Variants in ANAPC1 observed in about 807,000 individuals in gnomAD.
The protein encoded by ANAPC1 is anaphase promoting complex subunit 1.
A neutral mutation model predicts 208.0 loss-of-function variants in ANAPC1; 36 were observed. That is an observed-to-expected ratio of 0.17 (90% CI 0.13 to 0.23). The LOEUF is 0.23. ANAPC1 is among the 10% of genes least tolerant of loss of function. The pLI is 1.00. For missense variants in ANAPC1, 942 were observed against 2,011.6 expected, an observed-to-expected ratio of 0.47 and a Z score of 10.17; for synonymous variants, 378 against 695.2, an observed-to-expected ratio of 0.54 and a Z score of 7.18.
At chr2:111,836,020 G>T (rs1436259996) in intron 18 of ANAPC1, among the ~76,000 whole-genome samples, 1 of 152,092 alleles carries the variant, frequency 6.6e-6, no homozygotes, top group East Asian at 1.9e-4. Flanking sequence ...TTTACAAGTA[G>T]ATAAAGATTT....
At chr2:111,807,624 G>A (rs1490937481) in intron 29 of ANAPC1, among the ~76,000 whole-genome samples, 3 of 152,024 alleles carry the variant, frequency 2.0e-5, no homozygotes, top group Non-Finnish European at 4.4e-5. Flanking sequence ...CCCGGGAGGC[G>A]GAGCTTGCAA....
rs2030500 is a variant in ANAPC1 at position 111,792,748 on chromosome 2, C to T, written c.4519-193G>A. 7.3e-5 allele frequency among the ~76,000 whole-genome samples: 11 copies of T among 151,590 alleles called. No individual in the cohort carries two copies. The East Asian group carries it at 7.8e-4, about 11-fold the overall frequency. On this transcript the variant is annotated intron_variant, in intron 37 of 47. Coordinates refer to ENST00000341068, the MANE Select transcript of ANAPC1 (RefSeq NM_022662.4). Reference sequence around the variant, plus strand: ...CGGGCGGATCACGAGGTCAGGAGATCGAGACCATCCCGGCTAACATGGTGA... The same window carrying T: ...CGGGCGGATCACGAGGTCAGGAGATTGAGACCATCCCGGCTAACATGGTGA...
At chr2:111,848,505 G>T (rs1212666693) in intron 14 of ANAPC1, among the ~76,000 whole-genome samples, 1 of 152,010 alleles carries the variant, frequency 6.6e-6, no homozygotes, top group Non-Finnish European at 1.5e-5. Flanking sequence ...CGGGGCACGC[G>T]GTGGCTCATG....
chr2:111,879,424 C>T (rs1434730774), intron 2 of ANAPC1, among the ~76,000 whole-genome samples: 2 of 152,166 alleles, frequency 1.3e-5, no homozygotes, highest in Non-Finnish European at 2.9e-5. Context: ...TTGTCCCACC[C>T]ACCAAAATGA....
downstream of ANAPC1, chr2:111,766,597 A>G (rs1218951217): frequency 1.0e-4 from 22 of 213,326 alleles, no homozygotes; most frequent in African/African-American, 3.0e-4. Context: ...TTCCCCCCCA[A>G]TTTGATCAGC....
At chr2:111,850,494 T>C (rs559188802) in intron 14 of ANAPC1, among the ~76,000 whole-genome samples, 19 of 151,800 alleles carry the variant, frequency 1.3e-4, no homozygotes, top group Non-Finnish European at 2.4e-4. Flanking sequence ...GTCATGAGTC[T>C]TTCTTAAATT....
intron 20 of ANAPC1, among the ~76,000 whole-genome samples, chr2:111,832,754 C>T (rs955740446): frequency 4.0e-5 from 6 of 151,702 alleles, no homozygotes; most frequent in African/African-American, 9.7e-5. Flanking sequence ...ACAGTTAAAC[C>T]TCGTCTCTAA....
At chr2:111,883,191 C>CCA in intron 1 of ANAPC1, among the ~76,000 whole-genome samples, 1 of 89,006 alleles carries the variant, frequency 1.1e-5, no homozygotes, top group African/African-American at 3.5e-5. Context: ...AAGAAAACCC[C>CCA]ACAAAAAAAA....
intron 37 of ANAPC1, among the ~76,000 whole-genome samples, chr2:111,793,501 T>C (rs576217633): frequency 1.1e-4 from 16 of 152,200 alleles, no homozygotes; most frequent in South Asian, 1.0e-3. Context: ...GCTAGGATTA[T>C]AGGCATGAGC....
chr2:111,832,937 CAAAAA>C (rs908553180), intron 20 of ANAPC1, among the ~76,000 whole-genome samples: 2 of 53,628 alleles, frequency 3.7e-5, no homozygotes, highest in East Asian at 6.7e-4. Flanking sequence ...GACTCAGTCT[CAAAAA>C]AAAAAAAAAA....
At position 111,857,728 on chromosome 2, in the gene ANAPC1, T is replaced by C. The variant is rs542464077; in HGVS notation, c.1358+578A>G. 5.4e-4 allele frequency among the ~76,000 whole-genome samples: 82 copies of C among 152,376 alleles called. 1 individual carries two copies. The highest frequency in any genetic ancestry group is 3.2e-4 in the Non-Finnish European group (22 of 68,040). On this transcript the variant is annotated intron_variant, in intron 11 of 47. Coordinates refer to ENST00000341068, the MANE Select transcript of ANAPC1 (RefSeq NM_022662.4). The stretch of plus-strand genomic sequence containing the variant: ...ATAAAATCACATATGTCCACATTTT[T>C]GCTCAAGACCTTTGTTCAAATGTTC...
chr2:111,837,022 C>A (rs1419344812), intron 18 of ANAPC1, among the ~76,000 whole-genome samples: 25 of 150,532 alleles, frequency 1.7e-4, no homozygotes, highest in African/African-American at 5.9e-4. Flanking sequence ...AATTTTGGCA[C>A]TAGCTTGCTT....
At chr2:111,876,208 AG>A (rs1683016925) in intron 3 of ANAPC1, among the ~76,000 whole-genome samples, 2 of 152,026 alleles carry the variant, frequency 1.3e-5, no homozygotes, top group Admixed American at 1.3e-4. Context: ...TGGACAACAT[AG>A]TGAGACCCCC....
chr2:111,769,928 C>T (rs1851341), intron 47 of ANAPC1, among the ~76,000 whole-genome samples: 445 of 139,142 alleles, frequency 3.2e-3, no homozygotes, highest in African/African-American at 0.011. Context: ...GTGATCCGCC[C>T]GCCTCGGCCT....
At chr2:111,777,406 G>C (rs543297463) in intron 45 of ANAPC1, among the ~76,000 whole-genome samples, 224 of 151,992 alleles carry the variant, frequency 1.5e-3, no homozygotes, top group African/African-American at 4.9e-3. Flanking sequence ...GAGATCCCAG[G>C]GGGTAGAGGG....
chr2:111,787,158 A>AC, intron 39 of ANAPC1, among the ~76,000 whole-genome samples: 1 of 151,572 alleles, frequency 6.6e-6, no homozygotes, highest in East Asian at 1.9e-4. Flanking sequence ...CGAAAAAAAA[A>AC]AAAAAAGATT....
chr2:111,770,190 ATTGT>A (rs1380791349), intron 47 of ANAPC1, among the ~76,000 whole-genome samples: 14 of 47,434 alleles, frequency 3.0e-4, no homozygotes, highest in Non-Finnish European at 4.3e-4. Flanking sequence ...AACTACTAAT[ATTGT>A]TTAATTTTAT....
At chr2:111,875,089 T>C (rs1682953080) in intron 3 of ANAPC1, among the ~76,000 whole-genome samples, 1 of 152,220 alleles carries the variant, frequency 6.6e-6, no homozygotes, top group Non-Finnish European at 1.5e-5. Context: ...CTCACCAACA[T>C]TTGTTATGTT....
At chr2:111,824,911 C>G in intron 24 of ANAPC1, 55 bp downstream of exon 24, 2 of 1,599,372 alleles carry the variant, frequency 1.3e-6, no homozygotes, top group South Asian at 1.1e-5. Flanking sequence ...CCTTCCACTT[C>G]TAGCTAGTCT....
Sources: gnomAD v4.1 joint callset for allele counts (sites outside exome capture counted in the v4.1 genomes callset) on GRCh38, gnomAD v4.1.1 for gene constraint, MANE v1.5 for transcripts, NCBI Gene and HGNC (gene_info 2026-07-23, HGNC 2026-07-21) for gene names.